Variants in PDZRN4 observed in about 807,000 individuals in gnomAD.
The protein encoded by PDZRN4 is PDZ domain-containing RING finger protein 4.
A neutral mutation model predicts 99.0 loss-of-function variants in PDZRN4; 70 were observed. The ratio of observed to expected loss-of-function variants is 0.71; its 90% CI spans 0.58 to 0.86. The LOEUF is 0.86. Among genes scored for constraint, PDZRN4 ranks in the 40% least tolerant of loss-of-function variants. The pLI, the probability that PDZRN4 is intolerant of heterozygous loss-of-function variation, is 0.00. For missense variants in PDZRN4, 1,474 were observed against 1,331.2 expected (o/e 1.11, Z -1.67); for synonymous variants, 551 against 501.6 (o/e 1.10, Z -1.32).
chr12:41,251,401 A>T lies in PDZRN4; in HGVS notation c.843+57213A>T, dbSNP rs574593890. On this transcript the variant is annotated intron_variant, in intron 3 of 9. Coordinates refer to ENST00000402685, the MANE Select transcript of PDZRN4 (RefSeq NM_001164595.2). Reference sequence around the variant, plus strand: ...GTAAACTGCTTGTTTCTTTGGGGGCATTTTCCCTATAAACTTTTTGTAAAG... The same window carrying T: ...GTAAACTGCTTGTTTCTTTGGGGGCTTTTTCCCTATAAACTTTTTGTAAAG... Among the ~76,000 whole-genome samples, 3 of 152,152 alleles carry T rather than the reference A, an allele frequency of 2.0e-5. No homozygotes were observed. In the East Asian group the frequency reaches 5.8e-4, roughly 29 times the overall value.
At chr12:41,414,415 G>C (rs1260666836) in intron 3 of PDZRN4, among the ~76,000 whole-genome samples, 1 of 151,858 alleles carries the variant, frequency 6.6e-6, no homozygotes. Flanking sequence ...CTTCCAGGCT[G>C]TTTACTTTTT....
At chr12:41,498,992 A>C (rs1240278335) in intron 3 of PDZRN4, among the ~76,000 whole-genome samples, 2 of 152,124 alleles carry the variant, frequency 1.3e-5, no homozygotes, top group Non-Finnish European at 2.9e-5. Flanking sequence ...CAAAGCGTTT[A>C]ATTGAAGAAA....
At chr12:41,210,744 C>T (rs1301970958) in intron 3 of PDZRN4, among the ~76,000 whole-genome samples, 6 of 151,872 alleles carry the variant, frequency 4.0e-5, no homozygotes, top group Non-Finnish European at 5.9e-5. Context: ...CAAAATATAA[C>T]CTGTGGTTTT....
At chr12:41,555,556 G>T in intron 6 of PDZRN4, 142 bp from the exon 7 acceptor site, 2 of 586,612 alleles carry the variant, frequency 3.4e-6, no homozygotes, top group Non-Finnish European at 3.0e-6. Context: ...GAGTTTTGTT[G>T]GAGAGAAATA....
chr12:41,437,879 T>C, intron 3 of PDZRN4: 1 of 1,613,378 alleles, frequency 6.2e-7, no homozygotes, highest in South Asian at 1.1e-5. Flanking sequence ...GTGATTCCCT[T>C]TCAGTTCACT....
chr12:41,228,826 G>A (rs1041505568), intron 3 of PDZRN4, among the ~76,000 whole-genome samples: 6 of 151,962 alleles, frequency 3.9e-5, no homozygotes, highest in Non-Finnish European at 5.9e-5. Context: ...AATGAACTGA[G>A]GTGATTTTCT....
At chr12:41,292,871 T>C (rs944506326) in intron 3 of PDZRN4, among the ~76,000 whole-genome samples, 10 of 152,112 alleles carry the variant, frequency 6.6e-5, no homozygotes, top group Middle Eastern at 3.4e-3. Flanking sequence ...AGGGTTTTAA[T>C]AAACAACTCC....
chr12:41,361,797 TG>T (rs1951965216), intron 3 of PDZRN4, among the ~76,000 whole-genome samples: 1 of 151,920 alleles, frequency 6.6e-6, no homozygotes, highest in African/African-American at 2.4e-5. Flanking sequence ...TGTGACGGGG[TG>T]AAAGGGGCAA....
rs199634822 is a variant in PDZRN4 at position 41,572,657 on chromosome 12, A to T, written c.1878A>T (p.Arg626Ser). ...CIGNPDEDCE[R>S]FRQLLELKCK... Reference sequence around the variant, plus strand: ...GCAACCCAGATGAGGACTGTGAAAGATTCAGGCAGCTCTTGGAGCTCAAAT... The same window carrying T: ...GCAACCCAGATGAGGACTGTGAAAGTTTCAGGCAGCTCTTGGAGCTCAAAT... The change falls in exon 10 of 10, where the codon AGA becomes AGT. Residue 626 changes from arginine (R) to serine (S), a missense_variant. Physicochemically the swap from Arg to Ser is moderately radical, Grantham distance 110. Transcript: ENST00000402685. 59 of 1,614,196 alleles carry T rather than the reference A, an allele frequency of 3.7e-5. No individual in the cohort carries two copies. Among genetic ancestry groups the T allele is most frequent in the Non-Finnish European group, 4.8e-5 (57 of 1,180,020 alleles).
chr12:41,192,702 T>C (rs917924024), intron 2 of PDZRN4, among the ~76,000 whole-genome samples: 2 of 152,206 alleles, frequency 1.3e-5, no homozygotes, highest in Non-Finnish European at 2.9e-5. Flanking sequence ...CAAGGGATGA[T>C]TGATTTCAAT....
intron 3 of PDZRN4, among the ~76,000 whole-genome samples, chr12:41,401,584 C>T (rs192001113): frequency 1.4e-3 from 217 of 152,200 alleles, no homozygotes; most frequent in African/African-American, 5.0e-3. Flanking sequence ...CTTCATAGGG[C>T]TTCTTGAATC....
At chr12:41,219,689 G>A (rs986619536) in intron 3 of PDZRN4, among the ~76,000 whole-genome samples, 3 of 152,024 alleles carry the variant, frequency 2.0e-5, no homozygotes, top group African/African-American at 4.8e-5. Context: ...AATACTTCAC[G>A]AAGTGTATGA....
intron 3 of PDZRN4, among the ~76,000 whole-genome samples, chr12:41,266,061 C>T: frequency 8.6e-5 from 1 of 11,622 alleles, no homozygotes; most frequent in African/African-American, 2.0e-4. Flanking sequence ...CCTGTAATCC[C>T]AGCACTTTGG....
rs765194263 is a variant in PDZRN4, at chr12:41,345,122, T to C, written c.843+150934T>C. Among the ~76,000 whole-genome samples, 178 of 152,302 alleles carry C rather than the reference T, an allele frequency of 1.2e-3. 1 individual carries two copies. The highest frequency in any genetic ancestry group is 6.8e-3 in the Middle Eastern group (2 of 294). Reference sequence around the variant, plus strand: ...CTGTTTCATTTTTGTGTTTAAAGGATGGGAGTTGCATTAAAATAAAAATTC... The same window carrying C: ...CTGTTTCATTTTTGTGTTTAAAGGACGGGAGTTGCATTAAAATAAAAATTC... On this transcript the variant is annotated intron_variant, in intron 3 of 9. Coordinates refer to ENST00000402685, the MANE Select transcript of PDZRN4 (RefSeq NM_001164595.2).
At chr12:41,211,174 A>G (rs1024475682) in intron 3 of PDZRN4, among the ~76,000 whole-genome samples, 1 of 151,996 alleles carries the variant, frequency 6.6e-6, no homozygotes, top group Admixed American at 6.6e-5. Flanking sequence ...AGGGTACTTT[A>G]TATATAATTA....
At chr12:41,530,877 T>A (rs1230025109) in intron 5 of PDZRN4, among the ~76,000 whole-genome samples, 1 of 152,154 alleles carries the variant, frequency 6.6e-6, no homozygotes, top group African/African-American at 2.4e-5. Flanking sequence ...CTTGTCCTTC[T>A]GGCAGAGAGT....
chr12:41,416,734 C>G (rs1380677601), intron 3 of PDZRN4, among the ~76,000 whole-genome samples: 2 of 152,124 alleles, frequency 1.3e-5, no homozygotes, highest in Non-Finnish European at 2.9e-5. Context: ...ACAGATTTAG[C>G]CACAGGCGGT....
intron 3 of PDZRN4, chr12:41,409,450 G>A (rs952221528): frequency 6.6e-6 from 1 of 152,112 alleles, no homozygotes; most frequent in Non-Finnish European, 1.5e-5. Flanking sequence ...GAGCATTGAG[G>A]AGAAATATTT....
chr12:41,387,125 C>A (rs528287031), intron 3 of PDZRN4, among the ~76,000 whole-genome samples: 1 of 152,254 alleles, frequency 6.6e-6, no homozygotes, highest in South Asian at 2.1e-4. Context: ...CAAATAGGAT[C>A]TAATTAAACT....
Sources: gnomAD v4.1 joint callset for allele counts (sites outside exome capture counted in the v4.1 genomes callset) on GRCh38, gnomAD v4.1.1 for gene constraint, MANE v1.5 for transcripts, NCBI Gene and HGNC (gene_info 2026-07-23, HGNC 2026-07-21) for gene names.